The following LSS variants were observed in gnomAD, a reference collection of about 807,000 sequenced individuals.
LSS encodes the protein lanosterol synthase, also known as 2,3-epoxysqualene-lanosterol cyclase.
A neutral mutation model predicts 110.3 loss-of-function variants in LSS; 90 were observed. The observed-to-expected ratio is 0.82, with a 90% CI of 0.69 to 0.97. The LOEUF is 0.97. Ranked by LOEUF, LSS falls within the 50% of genes least tolerant of loss-of-function variation. LSS has a pLI of 0.00. For synonymous variants in LSS, 433 were observed against 400.0 expected, an observed-to-expected ratio of 1.08 and a Z score of -0.98; for missense variants, 927 against 990.0, an observed-to-expected ratio of 0.94 and a Z score of 0.85.
intron 20 of LSS, among the ~76,000 whole-genome samples, chr21:46,194,159 A>G (rs1372576957): frequency 1.3e-5 from 2 of 152,122 alleles, no homozygotes; most frequent in Non-Finnish European, 2.9e-5. Flanking sequence ...CATCACTACC[A>G]CACCAGGAAG....
At position 46,209,458 on chromosome 21, in the gene LSS, G is replaced by C. The variant is rs1374996116; in HGVS notation, c.1266+96C>G. 1.7e-5 allele frequency: 19 copies of C among 1,124,602 alleles called. No individual in the cohort carries two copies. Among genetic ancestry groups the C allele is most frequent in the Non-Finnish European group, 2.4e-5 (19 of 784,788 alleles). 69.7% of individuals were successfully genotyped at this position (1,124,602 alleles called of 1,614,324 possible). A position where few individuals can be genotyped will look rare whatever the true frequency, so the allele number is the denominator to read the frequency against. ...CCTGAAACACCAGTGCAGGAAATAG[G>C]GCAGGGTGGAGGTGAGGTGGGCACT... is the stretch of plus-strand genomic sequence containing the variant. On this transcript the variant is annotated intron_variant, in intron 13 of 21. Transcript: ENST00000397728. The surrounding 1 kb of genome is among the most constrained non-coding windows in gnomAD (Gnocchi z 4.4).
At chr21:46,210,114 TG>T (rs1255584670) in intron 12 of LSS, among the ~76,000 whole-genome samples, 1 of 142,610 alleles carries the variant, frequency 7.0e-6, no homozygotes, top group African/African-American at 2.6e-5. Context: ...TCACCCAGGC[TG>T]GAGTGCAGTG....
intron 16 of LSS, 119 bp from the exon 17 acceptor site, chr21:46,206,060 T>A: frequency 1.4e-6 from 1 of 705,694 alleles, no homozygotes; most frequent in Non-Finnish European, 2.4e-6. Context: ...GGACGCTGCC[T>A]CCCTGACCAA....
rs2080211141 is a variant in LSS, at chr21:46,216,600, C to A, written c.648-76G>T. The A allele has an allele frequency of 2.8e-6, 4 of 1,452,090 alleles. No homozygotes were observed. The highest frequency in any genetic ancestry group is 5.0e-5 in the East Asian group (2 of 40,190). 90.0% of individuals were successfully genotyped at this position (1,452,090 alleles called of 1,614,324 possible). A position where few individuals can be genotyped will look rare whatever the true frequency, so the allele number is the denominator to read the frequency against. Reference sequence around the variant, plus strand: ...CCTCCGCCAGCATCCATACCTTGGGCCCTTTCAAGCACGAACACTGGTGGA... The same window carrying A: ...CCTCCGCCAGCATCCATACCTTGGGACCTTTCAAGCACGAACACTGGTGGA... On this transcript the variant is annotated intron_variant, in intron 6 of 21. Coordinates refer to ENST00000397728, the MANE Select transcript of LSS (RefSeq NM_002340.6). The surrounding 1 kb of genome is among the most constrained non-coding windows in gnomAD (Gnocchi z 4.2).
At position 46,216,470 on chromosome 21, in the gene LSS, C is replaced by G. The variant is rs1340011237; in HGVS notation, c.702G>C (p.Arg234=). 6.2e-7 allele frequency: 1 copy of G among 1,613,570 alleles called. No homozygotes were observed. The highest frequency in any genetic ancestry group is 1.3e-5 in the African/African-American group (1 of 75,068). The change falls in exon 7 of 22, where the codon CGG becomes CGC. Residue 234 remains arginine (R), a synonymous_variant. Transcript: ENST00000397728. The surrounding 1 kb of genome is among the most constrained non-coding windows in gnomAD (Gnocchi z 4.2). ...AHPSTLWCHC[R]QVYLPMSYCY... is the part of the protein sequence containing the mutation. ...AGTAGCTCATGGGCAGGTACACCTG[C>G]CGGCAGTGGCACCAGAGTGTGGAGG...
At chr21:46,198,452 C>T (rs1264857052) in intron 17 of LSS, among the ~76,000 whole-genome samples, 2 of 152,120 alleles carry the variant, frequency 1.3e-5, no homozygotes, top group African/African-American at 2.4e-5. Flanking sequence ...AATAAAAGAT[C>T]TTTCCAACTT....
Position 46,194,583 on chromosome 21 carries a change from G to GTCC in LSS, c.1893_1895dup (p.Glu631dup). The GTCC allele has an allele frequency of 6.2e-7, 1 of 1,613,732 alleles. No individual in the cohort carries two copies. Among genetic ancestry groups the GTCC allele is most frequent in the Non-Finnish European group, 8.5e-7 (1 of 1,179,968 alleles). ...AACGCCGCTCCTCGCAGGACTCAAA[G>GTCC]TCCTCCCCCCAGCCTCCGTCTGCCA... On this transcript the variant is annotated inframe_insertion, in exon 20 of 22. Coordinates refer to ENST00000397728, the MANE Select transcript of LSS (RefSeq NM_002340.6).
At chr21:46,201,598 C>G (rs189377983) in intron 17 of LSS, among the ~76,000 whole-genome samples, 10 of 149,342 alleles carry the variant, frequency 6.7e-5, no homozygotes, top group Admixed American at 5.3e-4. Flanking sequence ...ATGAAGCCCT[C>G]AGGGTAGGGT....
At chr21:46,193,758 A>G (rs559628951) in intron 20 of LSS, 92 of 446,530 alleles carry the variant, frequency 2.1e-4, no homozygotes, top group South Asian at 6.8e-4. Context: ...CTGTGTGTGC[A>G]TCTGTCTCCA....
intron 17 of LSS, among the ~76,000 whole-genome samples, chr21:46,197,348 T>C (rs2079922437): frequency 6.6e-6 from 1 of 152,104 alleles, no homozygotes; most frequent in African/African-American, 2.4e-5. Flanking sequence ...TAAACAGTCC[T>C]AAAACTACTA....
chr21:46,197,913 A>T (rs971017417), intron 17 of LSS, among the ~76,000 whole-genome samples: 1 of 152,010 alleles, frequency 6.6e-6, no homozygotes, highest in Non-Finnish European at 1.5e-5. Context: ...ACAAAAAACA[A>T]CTGAGAAACT....
At chr21:46,222,979 C>T (rs868039282) in intron 3 of LSS, among the ~76,000 whole-genome samples, 2 of 152,206 alleles carry the variant, frequency 1.3e-5, no homozygotes, top group Admixed American at 6.5e-5. Flanking sequence ...CACTCAGCCA[C>T]GCCTGGCTCC....
chr21:46,209,770 C>A lies in LSS; in HGVS notation c.1195-145G>T. On this transcript the variant is annotated intron_variant, in intron 12 of 21. Transcript: ENST00000397728. This position sits in a 1 kb window ranked among gnomAD's most constrained non-coding sequence, Gnocchi z 4.4. The stretch of plus-strand genomic sequence containing the variant: ...AGACATCTCCAGAGAGTGCCAGGGT[C>A]TCCTGCTGCACTTACCTTTAAAGAC... 1 of 653,624 alleles carries A rather than the reference C, an allele frequency of 1.5e-6. No homozygotes were observed. The highest frequency in any genetic ancestry group is 1.9e-5 in the South Asian group (1 of 52,978). The allele number at this position is 653,624 out of a possible 1,614,324, so 40.5% of individuals were successfully genotyped here.
intron 5 of LSS, among the ~76,000 whole-genome samples, chr21:46,219,785 T>C (rs528893187): frequency 6.6e-6 from 1 of 152,262 alleles, no homozygotes; most frequent in East Asian, 1.9e-4. Context: ...GTGGAACCAG[T>C]GGCTTTCCTG....
At chr21:46,206,483 G>C (rs1261177742) in intron 16 of LSS, among the ~76,000 whole-genome samples, 189 bp downstream of exon 16, 1 of 152,214 alleles carries the variant, frequency 6.6e-6, no homozygotes, top group African/African-American at 2.4e-5. Context: ...CACAACACAA[G>C]GATCCTGCCA....
chr21:46,211,353 T>A (rs2123732961), intron 11 of LSS, among the ~76,000 whole-genome samples: 2 of 152,194 alleles, frequency 1.3e-5, no homozygotes, highest in South Asian at 4.1e-4. Flanking sequence ...ATGGTCTCTA[T>A]CTCCTGACCT....
At chr21:46,196,303 A>G (rs1424126135) in intron 17 of LSS, 36 bp from the exon 18 acceptor site, 2 of 1,562,760 alleles carry the variant, frequency 1.3e-6, no homozygotes, top group South Asian at 2.2e-5. Flanking sequence ...ACATTCTGGT[A>G]AAACAGCAGT....
At chr21:46,215,923 C>T in intron 7 of LSS, 130 bp from the exon 8 acceptor site, 1 of 624,766 alleles carries the variant, frequency 1.6e-6, no homozygotes, top group Non-Finnish European at 2.8e-6. Context: ...GGGGGTCCCT[C>T]CAGCAACTGA....
intron 9 of LSS, among the ~76,000 whole-genome samples, chr21:46,214,773 T>C (rs1640763493): frequency 6.6e-6 from 1 of 152,054 alleles, no homozygotes; most frequent in Non-Finnish European, 1.5e-5. Context: ...CACCTGCTAC[T>C]CCCACCCACC....
Sources: allele counts gnomAD v4.1 joint callset (sites outside exome capture counted in the v4.1 genomes callset), GRCh38; gene constraint gnomAD v4.1.1; non-coding constraint Gnocchi (gnomAD v3.1); transcripts MANE v1.5; gene names NCBI Gene and HGNC (gene_info 2026-07-23, HGNC 2026-07-21).